ZFHX3: variants seen among roughly 807,000 people sequenced by gnomAD.
ZFHX3 encodes zinc finger homeobox protein 3.
ZFHX3 carries 42 observed loss-of-function variants against 279.1 expected under a neutral mutation model. The ratio of observed to expected loss-of-function variants is 0.15; its 90% CI spans 0.12 to 0.19. ZFHX3 has a LOEUF of 0.19. Ranked by LOEUF, ZFHX3 falls within the 10% of genes least tolerant of loss-of-function variation. ZFHX3 has a pLI of 1.00. For missense variants in ZFHX3, 4,981 were observed against 4,754.0 expected (o/e 1.05, Z -1.40); for synonymous variants, 2,293 against 1,957.8 (o/e 1.17, Z -4.52).
intron 3 of ZFHX3, among the ~76,000 whole-genome samples, chr16:72,914,663 T>C (rs748144476): frequency 6.6e-6 from 1 of 151,862 alleles, no homozygotes; most frequent in Non-Finnish European, 1.5e-5. Context: ...CAAGGAATGT[T>C]TGGGTAAGAA....
At chr16:73,689,858 T>A (rs1387517474) in intron 1 of ZFHX3, among the ~76,000 whole-genome samples, 1 of 151,124 alleles carries the variant, frequency 6.6e-6, no homozygotes, top group Non-Finnish European at 1.5e-5. Flanking sequence ...GGAGTCTCGC[T>A]CTGTCGCCCA....
intron 2 of ZFHX3, among the ~76,000 whole-genome samples, chr16:73,554,490 C>T (rs573019040): frequency 5.3e-5 from 8 of 152,218 alleles, no homozygotes; most frequent in Admixed American, 1.3e-4. Flanking sequence ...AGCACTTAAA[C>T]GCGCTGTAGA....
intron 1 of ZFHX3, among the ~76,000 whole-genome samples, chr16:73,034,127 A>G (rs1334421560): frequency 6.6e-6 from 1 of 150,790 alleles, no homozygotes; most frequent in Non-Finnish European, 1.5e-5. Context: ...CTAGGATGGG[A>G]CTGCTTGCCT....
At position 73,220,552 on chromosome 16, in the gene ZFHX3, C is replaced by T. The variant is rs563593995; in HGVS notation, c.-1104+36495G>A. On this transcript the variant is annotated intron_variant, in intron 5 of 17. Transcript: ENST00000641206. ...TATTCCAGTGTGCACCCTAAAACTCCAATAGACCAGGCACAGTGTGCATTA... is the reference window on the plus strand; with the variant it reads ...TATTCCAGTGTGCACCCTAAAACTCTAATAGACCAGGCACAGTGTGCATTA... 3.9e-5 allele frequency among the ~76,000 whole-genome samples: 6 copies of T among 152,210 alleles called. No homozygotes were observed. The South Asian group carries it at 8.3e-4, about 21-fold the overall frequency.
At chr16:72,914,827 C>T (rs2039402746) in intron 3 of ZFHX3, among the ~76,000 whole-genome samples, 6 of 152,036 alleles carry the variant, frequency 3.9e-5, no homozygotes, top group Admixed American at 3.3e-4. Context: ...CCTGTCTCTA[C>T]TAAAAATACA....
chr16:73,278,434 T>C (rs1318173871), intron 4 of ZFHX3, among the ~76,000 whole-genome samples: 1 of 152,206 alleles, frequency 6.6e-6, no homozygotes, highest in African/African-American at 2.4e-5. Flanking sequence ...GTGGTCTCGC[T>C]GACTTCAAGA....
rs2143446551 is a variant in ZFHX3, at chr16:72,797,172, G to C, written c.5510C>G (p.Ala1837Gly). 1.9e-6 allele frequency: 3 copies of C among 1,614,012 alleles called. No individual in the cohort carries two copies. Among genetic ancestry groups the C allele is most frequent in the Non-Finnish European group, 2.5e-6 (3 of 1,180,014 alleles). ...GCTCTGCTGTGGGACCTGAACCTGA[G>C]CCTTCAGATCTTCCAGCAGGCCTGG... ...TGPGLLEDLK[A>G]QVQVPQQSHQ... The change falls in exon 9 of 10, where the codon GCT becomes GGT. Residue 1837 changes from alanine (A) to glycine (G), a missense_variant. Ala to Gly is a moderately conservative substitution (Grantham distance 60). Around this residue, in one of 7 missense-constraint regions of ZFHX3, gnomAD observed 1,751 missense variants for 1,770.0 expected, o/e 0.99. Transcript: ENST00000268489.
intron 1 of ZFHX3, among the ~76,000 whole-genome samples, chr16:73,727,673 C>T (rs1299673040): frequency 6.6e-6 from 1 of 152,206 alleles, no homozygotes; most frequent in Non-Finnish European, 1.5e-5. Context: ...CTGACTCCAT[C>T]TCTGGCTAAT....
intron 1 of ZFHX3, among the ~76,000 whole-genome samples, chr16:73,728,595 C>T (rs909583887): frequency 6.6e-6 from 1 of 152,004 alleles, no homozygotes; most frequent in East Asian, 1.9e-4. Flanking sequence ...TTACTGGTGG[C>T]CATGTTGTTC....
intron 3 of ZFHX3, among the ~76,000 whole-genome samples, chr16:73,435,159 C>T (rs16971961): frequency 0.24 from 35,988 of 152,022 alleles, 4,454 homozygotes; most frequent in East Asian, 0.43. Context: ...TGGATTGGCA[C>T]AAAGGAGGTA....
chr16:73,158,116 G>A (rs1967138879), intron 5 of ZFHX3, among the ~76,000 whole-genome samples: 1 of 152,156 alleles, frequency 6.6e-6, no homozygotes, highest in African/African-American at 2.4e-5. Flanking sequence ...CATTAATTAT[G>A]TCCTAAGAAT....
chr16:73,515,529 GGA>G (rs891709782), intron 2 of ZFHX3, among the ~76,000 whole-genome samples: 5 of 137,576 alleles, frequency 3.6e-5, no homozygotes, highest in Admixed American at 2.3e-4. Context: ...AAAGAAAGAG[GGA>G]GAGAGAGAGA....
intron 2 of ZFHX3, among the ~76,000 whole-genome samples, chr16:73,664,066 A>T (rs1319887353): frequency 6.6e-6 from 1 of 152,212 alleles, no homozygotes; most frequent in Non-Finnish European, 1.5e-5. Flanking sequence ...AAATAATTTT[A>T]CTCTGGGAAG....
chr16:73,505,707 G>T (rs1163854068), intron 2 of ZFHX3, among the ~76,000 whole-genome samples: 1 of 152,174 alleles, frequency 6.6e-6, no homozygotes, highest in Non-Finnish European at 1.5e-5. Flanking sequence ...CTCAGTCTCA[G>T]GATCCCAGAT....
At chr16:73,407,927 T>C (rs1464668376) in intron 3 of ZFHX3, among the ~76,000 whole-genome samples, 3 of 152,112 alleles carry the variant, frequency 2.0e-5, no homozygotes, top group African/African-American at 7.2e-5. Context: ...CAACCTCTGA[T>C]TCCTACAGGC....
intron 3 of ZFHX3, among the ~76,000 whole-genome samples, chr16:72,946,899 G>A (rs1036503396): frequency 6.6e-6 from 1 of 152,222 alleles, no homozygotes; most frequent in African/African-American, 2.4e-5. Context: ...CCGGAGCTCA[G>A]TCCCAGTTGA....
chr16:73,186,170 T>G lies in ZFHX3; in HGVS notation c.-1103-42339A>C, dbSNP rs964324575. The stretch of plus-strand genomic sequence containing the variant: ...TGATAGTAAGTTGTATAATTCATTA[T>G]ATGTTACAATGTAATTATAATAGAA... On this transcript the variant is annotated intron_variant, in intron 5 of 17. Coordinates refer to the ZFHX3 transcript ENST00000641206. Among the ~76,000 whole-genome samples the G allele has an allele frequency of 1.1e-4, 17 of 152,262 alleles. 1 individual carries two copies. The highest frequency in any genetic ancestry group is 3.4e-3 in the Middle Eastern group (1 of 294).
intron 4 of ZFHX3, among the ~76,000 whole-genome samples, chr16:73,271,697 T>C (rs909999125): frequency 1.6e-4 from 24 of 152,232 alleles, no homozygotes; most frequent in African/African-American, 4.6e-4. Context: ...GCCAGGAGCA[T>C]GGCAGGTGCC....
chr16:73,608,084 A>C (rs1426042713), intron 2 of ZFHX3, among the ~76,000 whole-genome samples: 1 of 152,118 alleles, frequency 6.6e-6, no homozygotes, highest in Non-Finnish European at 1.5e-5. Context: ...AAAAGAAAAA[A>C]AAAAAAGAGA....
Sources: gnomAD v4.1 joint callset for allele counts (sites outside exome capture counted in the v4.1 genomes callset) on GRCh38, gnomAD v4.1.1 for gene constraint, gnomAD v4.1.1 regional missense constraint, MANE v1.5 for transcripts, NCBI Gene and HGNC (gene_info 2026-07-23, HGNC 2026-07-21) for gene names.